ATP13A5: variants seen among roughly 807,000 people sequenced by gnomAD.
The protein encoded by ATP13A5 is probable cation-transporting ATPase 13A5.
A neutral mutation model predicts 150.2 loss-of-function variants in ATP13A5; 149 were observed. That is an observed-to-expected ratio of 0.99 (90% CI 0.87 to 1.14). The LOEUF (loss-of-function observed/expected upper bound fraction) is 1.14. Ranked by LOEUF, ATP13A5 falls within the 50% of genes most tolerant of loss-of-function variation. ATP13A5 has a pLI of 0.00. For synonymous variants in ATP13A5, 497 were observed against 522.2 expected (o/e 0.95, Z 0.66); for missense variants, 1,383 against 1,449.3 (o/e 0.95, Z 0.74).
intron 9 of ATP13A5, among the ~76,000 whole-genome samples, chr3:193,338,830 T>G (rs9813006): frequency 0.026 from 4,032 of 152,308 alleles, 77 homozygotes; most frequent in Non-Finnish European, 0.044. Flanking sequence ...TCCTTGTACC[T>G]CTGGTAGAAT....
rs776380026 is a variant in ATP13A5 at position 193,364,229 on chromosome 3, C to T, written c.115G>A (p.Ala39Thr). Residue 39 changes from alanine to threonine, a missense_variant, in exon 2 of 30, where the codon GCA becomes ACA. By Grantham distance (58) the Ala-to-Thr change is moderately conservative. This residue lies in a region of ATP13A5 where 787 missense variants were observed against 771.9 expected (regional missense o/e 1.02). Transcript: ENST00000342358. ...AGGCCCCCACAGGTCAGCACGGATGCGACAAGGCAGAAGGCTTTCCGTACA... is the reference window on the plus strand; with the variant it reads ...AGGCCCCCACAGGTCAGCACGGATGTGACAAGGCAGAAGGCTTTCCGTACA... ...HNVRKAFCLV[A>T]SVLTCGGLLL... 6 of 1,614,100 alleles carry T rather than the reference C, an allele frequency of 3.7e-6. No homozygotes were observed. The highest frequency in any genetic ancestry group is 3.3e-4 in the Middle Eastern group (2 of 6,060).
At position 193,378,647 on chromosome 3, in the gene ATP13A5, TA is replaced by T. The variant is rs772107240; in HGVS notation, c.63+15del. The T allele has an allele frequency of 2.5e-5, 40 of 1,611,258 alleles. No individual in the cohort carries two copies. The highest frequency in any genetic ancestry group is 3.4e-5 in the Non-Finnish European group (40 of 1,177,728). ...GGGCTCTTTGAGAAGACTAATAAAA[TA>T]AAGGGAAGACTCACCAGTTCATCCT... On this transcript the variant is annotated intron_variant, in intron 1 of 29. Coordinates refer to ENST00000342358, the MANE Select transcript of ATP13A5 (RefSeq NM_198505.4).
intron 5 of ATP13A5, among the ~76,000 whole-genome samples, chr3:193,360,728 G>A (rs995541884): frequency 3.3e-5 from 5 of 152,136 alleles, no homozygotes; most frequent in Non-Finnish European, 7.3e-5. Context: ...CCAGGCTAAA[G>A]TACAGTGGCA....
In ATP13A5 at chr3:193,376,003, C is replaced by A. The variant is rs1037801587; in HGVS notation, c.63+2660G>T. Among the ~76,000 whole-genome samples, 3 of 152,282 alleles carry A rather than the reference C, an allele frequency of 2.0e-5. No individual in the cohort carries two copies. In the South Asian group the frequency reaches 6.2e-4, roughly 32 times the overall value. On this transcript the variant is annotated intron_variant, in intron 1 of 29. Transcript: ENST00000342358. ...GAATGCGAGTAGAAGTTAGACCGGG[C>A]CACAGGGAATCTTCGGGGAAGGAAG...
chr3:193,354,151 G>A lies in ATP13A5; in HGVS notation c.582C>T (p.Pro194=), dbSNP rs746100276. The A allele has an allele frequency of 6.2e-7, 1 of 1,610,764 alleles. No homozygotes were observed. Among genetic ancestry groups the A allele is most frequent in the South Asian group, 1.1e-5 (1 of 89,656 alleles). The change falls in exon 6 of 30, where the codon CCC becomes CCT. Residue 194 remains proline (P), a synonymous_variant. Coordinates refer to ENST00000342358, the MANE Select transcript of ATP13A5 (RefSeq NM_198505.4). ...CCTGTTTAACAAGCAGCTTCCATAT[G>A]GGTTGGATTTCAACCTCAATGGCGT... ...GPNAIEVEIQ[P]IWKLLVKQVL...
chr3:193,322,428 G>T, intron 15 of ATP13A5, 63 bp downstream of exon 15: 1 of 1,253,704 alleles, frequency 8.0e-7, no homozygotes. Context: ...ATATGTGCAA[G>T]TCAGAAATGT....
chr3:193,373,016 C>T (rs1713505751), intron 1 of ATP13A5, among the ~76,000 whole-genome samples: 1 of 152,090 alleles, frequency 6.6e-6, no homozygotes, highest in Admixed American at 6.6e-5. Context: ...TTTTACTTTT[C>T]AGTTTTAATC....
At position 193,362,383 on chromosome 3, in the gene ATP13A5, G is replaced by A; in HGVS notation, c.534C>T (p.Val178=). The change falls in exon 5 of 30, where the codon GTC becomes GTT. Residue 178 remains valine, a splice_region_variant and synonymous_variant. Coordinates refer to ENST00000342358, the MANE Select transcript of ATP13A5 (RefSeq NM_198505.4). ...GLGLTSEEQE[V]RRLVCGPNAI... ...TTAAGGCATATAATAAGTCCTACCT[G>A]ACCTCTTGCTCTTCACTGGTCAGAC... The A allele has an allele frequency of 1.9e-6, 3 of 1,613,764 alleles. No homozygotes were observed. Among genetic ancestry groups the A allele is most frequent in the Non-Finnish European group, 1.7e-6 (2 of 1,179,740 alleles).
In ATP13A5 at chr3:193,315,056, TGAG is replaced by T. The variant is rs750585678; in HGVS notation, c.2071_2073del (p.Leu691del). Reference sequence around the variant, plus strand: ...TCTTTTTTCAAGCGATTCTCCATGATGAGAAGTCCCAGAAATGTTAACTCTGAC... The same window carrying T: ...TCTTTTTTCAAGCGATTCTCCATGATAAGTCCCAGAAATGTTAACTCTGAC... On this transcript the variant is annotated inframe_deletion, in exon 18 of 30. Coordinates refer to ENST00000342358, the MANE Select transcript of ATP13A5 (RefSeq NM_198505.4). The T allele has an allele frequency of 1.9e-4, 301 of 1,613,872 alleles. 3 individuals carry two copies. In the Middle Eastern group the frequency reaches 0.016, roughly 84 times the overall value.
chr3:193,363,445 C>A, intron 2 of ATP13A5, 63 bp from the exon 3 acceptor site: 2 of 1,446,548 alleles, frequency 1.4e-6, no homozygotes, highest in Non-Finnish European at 1.9e-6. Flanking sequence ...CTCAATCAAC[C>A]AAATACCTAC....
At chr3:193,376,619 G>A (rs1040015290) in intron 1 of ATP13A5, among the ~76,000 whole-genome samples, 19 of 152,136 alleles carry the variant, frequency 1.2e-4, no homozygotes, top group Admixed American at 1.2e-3. Flanking sequence ...ATAGTGGTTT[G>A]CCACACAGAT....
chr3:193,307,123 A>G, intron 22 of ATP13A5: 1 of 1,400,582 alleles, frequency 7.1e-7, no homozygotes, highest in Non-Finnish European at 9.3e-7. Context: ...TTATTCTAGG[A>G]GTTTCCAGAA....
intron 1 of ATP13A5, among the ~76,000 whole-genome samples, chr3:193,372,543 A>G (rs1338385775): frequency 6.6e-6 from 1 of 151,018 alleles, no homozygotes; most frequent in African/African-American, 2.4e-5. Flanking sequence ...ATTAAATGTA[A>G]CTTCCTAGAT....
At position 193,296,398 on chromosome 3, in the gene ATP13A5, C is replaced by T. The variant is rs74760433; in HGVS notation, c.2848+2733G>A. 8.4e-3 allele frequency among the ~76,000 whole-genome samples: 1,278 copies of T among 152,224 alleles called. 39 individuals are homozygous for T. Among genetic ancestry groups the T allele is most frequent in the Admixed American group, 0.049 (746 of 15,284 alleles). On this transcript the variant is annotated intron_variant, in intron 25 of 29. Coordinates refer to ENST00000342358, the MANE Select transcript of ATP13A5 (RefSeq NM_198505.4). The stretch of plus-strand genomic sequence containing the variant: ...GAAGGGGTCCAGTTTCAATTTTCTG[C>T]ATATGGCTAGCCAGTTCTCCCAGCA...
chr3:193,308,365 A>G (rs778545367), intron 21 of ATP13A5, among the ~76,000 whole-genome samples: 1 of 152,128 alleles, frequency 6.6e-6, no homozygotes, highest in Non-Finnish European at 1.5e-5. Flanking sequence ...AGGCTGAGGC[A>G]GGGGGATTGC....
intron 23 of ATP13A5, among the ~76,000 whole-genome samples, chr3:193,303,995 A>C (rs1371729582): frequency 6.6e-6 from 1 of 152,072 alleles, no homozygotes; most frequent in Non-Finnish European, 1.5e-5. Context: ...GCACACTTGT[A>C]AAGAGCTCCA....
At chr3:193,367,952 C>A (rs187638121) in intron 1 of ATP13A5, among the ~76,000 whole-genome samples, 1 of 132,032 alleles carries the variant, frequency 7.6e-6, no homozygotes, top group Non-Finnish European at 1.5e-5. Context: ...ACCAGTGCAA[C>A]GCAAGAAATA....
chr3:193,374,253 G>A (rs1162350211), intron 1 of ATP13A5, among the ~76,000 whole-genome samples: 1 of 151,006 alleles, frequency 6.6e-6, no homozygotes, highest in African/African-American at 2.4e-5. Flanking sequence ...CCAGTGGTCA[G>A]GAGATAATCT....
intron 25 of ATP13A5, among the ~76,000 whole-genome samples, chr3:193,294,197 G>A (rs922246543): frequency 3.3e-5 from 5 of 151,456 alleles, no homozygotes; most frequent in Admixed American, 2.0e-4. Context: ...AAGAAGAAGA[G>A]ACACAAGGTG....
Sources: gnomAD v4.1 joint callset for allele counts (sites outside exome capture counted in the v4.1 genomes callset) on GRCh38, gnomAD v4.1.1 for gene constraint, gnomAD v4.1.1 regional missense constraint, MANE v1.5 for transcripts, NCBI Gene and HGNC (gene_info 2026-07-23, HGNC 2026-07-21) for gene names.